The following TRHDE variants were observed in gnomAD, a reference collection of about 807,000 sequenced individuals.
TRHDE encodes thyrotropin-releasing hormone-degrading ectoenzyme.
TRHDE carries 72 observed loss-of-function variants against 125.7 expected under a neutral mutation model. The ratio of observed to expected loss-of-function variants is 0.57; its 90% confidence interval spans 0.47 to 0.70. TRHDE has a LOEUF of 0.70. Among genes scored for constraint, TRHDE ranks in the 30% least tolerant of loss-of-function variants. The pLI is 0.00. For missense variants in TRHDE, 1,110 were observed against 1,327.1 expected, an observed-to-expected ratio of 0.84 and a Z score of 2.54; for synonymous variants, 509 against 509.1, an observed-to-expected ratio of 1.00 and a Z score of 0.00.
chr12:72,379,326 G>A (rs934913836), intron 3 of TRHDE, among the ~76,000 whole-genome samples: 12 of 152,160 alleles, frequency 7.9e-5, no homozygotes, highest in Admixed American at 6.5e-4. Context: ...AGAATTCATA[G>A]GCAAAATTTT....
chr12:72,608,495 C>G (rs1872531115), intron 12 of TRHDE, among the ~76,000 whole-genome samples: 1 of 152,114 alleles, frequency 6.6e-6, no homozygotes, highest in Non-Finnish European at 1.5e-5. Flanking sequence ...GAAACAGCCT[C>G]TGTAGGCCAG....
intron 3 of TRHDE, among the ~76,000 whole-genome samples, chr12:72,404,501 G>C (rs1873183397): frequency 1.3e-5 from 2 of 152,078 alleles, no homozygotes; most frequent in African/African-American, 4.8e-5. Context: ...TGTTATAAAG[G>C]AAAGAGGTTT....
intron 6 of TRHDE, among the ~76,000 whole-genome samples, chr12:72,537,791 C>T (rs1868942222): frequency 6.6e-6 from 1 of 152,016 alleles, no homozygotes; most frequent in South Asian, 2.1e-4. Context: ...TTTTGAGAGC[C>T]TGCTATGTGC....
chr12:72,247,557 A>G (rs1878597898), intron 2 of TRHDE, among the ~76,000 whole-genome samples: 1 of 152,188 alleles, frequency 6.6e-6, no homozygotes, highest in African/African-American at 2.4e-5. Context: ...GTTATTTTAT[A>G]AAAATTCCCT....
At chr12:72,292,230 A>G (rs532201960) in intron 2 of TRHDE, among the ~76,000 whole-genome samples, 6 of 152,292 alleles carry the variant, frequency 3.9e-5, no homozygotes, top group African/African-American at 1.4e-4. Context: ...TGAGGTCTTG[A>G]TAAAGACTCA....
chr12:72,343,680 C>G (rs1403214504), intron 2 of TRHDE, among the ~76,000 whole-genome samples: 2 of 151,958 alleles, frequency 1.3e-5, no homozygotes, highest in African/African-American at 4.8e-5. Context: ...GAGTATTCTT[C>G]TCAATGGATA....
chr12:72,299,021 C>A (rs114540893), intron 2 of TRHDE, among the ~76,000 whole-genome samples: 1,558 of 152,138 alleles, frequency 0.01, 28 homozygotes, highest in African/African-American at 0.036. Context: ...TCTGGGTGAC[C>A]ATGATACAGA....
intron 3 of TRHDE, among the ~76,000 whole-genome samples, chr12:72,414,617 G>C (rs781667142): frequency 6.6e-6 from 1 of 152,064 alleles, no homozygotes; most frequent in Non-Finnish European, 1.5e-5. Context: ...CAGCATCTTG[G>C]CAGTAAGGCT....
At chr12:72,540,483 G>A (rs1456021906) in intron 6 of TRHDE, among the ~76,000 whole-genome samples, 1 of 151,650 alleles carries the variant, frequency 6.6e-6, no homozygotes, top group Non-Finnish European at 1.5e-5. Flanking sequence ...AAGAGACCAA[G>A]TCATCATTAC....
At chr12:72,637,573 C>T (rs1335053315) in intron 15 of TRHDE, among the ~76,000 whole-genome samples, 1 of 151,872 alleles carries the variant, frequency 6.6e-6, no homozygotes, top group Non-Finnish European at 1.5e-5. Flanking sequence ...TGTTGCTTTT[C>T]TAGTTCTTTT....
Position 72,641,288 on chromosome 12 carries a change from G to T in TRHDE, c.2676-11034G>T, listed in dbSNP as rs551658012. On this transcript the variant is annotated intron_variant, in intron 15 of 18. Transcript: ENST00000261180. ...TCAACAGCATTTTTATATATTGAAT[G>T]TGTTTTCTTCTAACAGTAACAGAAT... 4.6e-5 allele frequency among the ~76,000 whole-genome samples: 7 copies of T among 152,182 alleles called. No homozygotes were observed. The South Asian group carries it at 1.2e-3, about 27-fold the overall frequency.
chr12:72,142,164 C>G (rs1437508017), intron 2 of TRHDE, among the ~76,000 whole-genome samples: 1 of 151,822 alleles, frequency 6.6e-6, no homozygotes, highest in African/African-American at 2.4e-5. Context: ...AAAAAGGACA[C>G]TGCATATGTG....
At chr12:72,161,327 G>A (rs1592464480) in intron 2 of TRHDE, among the ~76,000 whole-genome samples, 1 of 152,022 alleles carries the variant, frequency 6.6e-6, no homozygotes, top group African/African-American at 2.4e-5. Context: ...CAGCTACTTC[G>A]GAGGCTGAGG....
chr12:72,176,967 C>G (rs1877002121), intron 2 of TRHDE, among the ~76,000 whole-genome samples: 1 of 151,324 alleles, frequency 6.6e-6, no homozygotes, highest in African/African-American at 2.4e-5. Context: ...TTTTTTTTTC[C>G]CATTGGTAAG....
chr12:72,263,972 C>A (rs535147892), intron 2 of TRHDE: 17 of 152,130 alleles, frequency 1.1e-4, no homozygotes, highest in Non-Finnish European at 2.2e-4. Flanking sequence ...CTTACACATT[C>A]AAAGTGACCA....
rs1878632383 is a variant in TRHDE, at chr12:72,249,151, A to G, written n.280-128844A>G. Among the ~76,000 whole-genome samples the G allele has an allele frequency of 2.6e-5, 4 of 152,200 alleles. No homozygotes were observed. The South Asian group carries it at 8.3e-4, about 31-fold the overall frequency. ...ACGTTGGGGTAGGCAAAATTTTCAT[A>G]GAAGACAAAATGGCTAATAGCAAAA... On this transcript the variant is annotated intron_variant and non_coding_transcript_variant, in intron 2 of 4. Coordinates refer to the TRHDE transcript ENST00000548156.
At chr12:72,337,249 T>C (rs1380623714) in intron 2 of TRHDE, among the ~76,000 whole-genome samples, 2 of 152,156 alleles carry the variant, frequency 1.3e-5, no homozygotes, top group African/African-American at 4.8e-5. Context: ...CTTTTCCTTC[T>C]GCTCCTGTAG....
intron 2 of TRHDE, among the ~76,000 whole-genome samples, chr12:72,131,330 C>T (rs974990849): frequency 2.6e-5 from 4 of 151,956 alleles, no homozygotes; most frequent in Non-Finnish European, 4.4e-5. Context: ...CCTCGGCCTC[C>T]CAAAGTGCTG....
At chr12:72,468,300 G>C (rs573937172) in intron 3 of TRHDE, among the ~76,000 whole-genome samples, 1 of 152,280 alleles carries the variant, frequency 6.6e-6, no homozygotes, top group East Asian at 1.9e-4. Flanking sequence ...TTGTCCATGT[G>C]ATGTATGCAG....
Sources: allele counts gnomAD v4.1 joint callset (sites outside exome capture counted in the v4.1 genomes callset), GRCh38; gene constraint gnomAD v4.1.1; transcripts MANE v1.5; gene names NCBI Gene and HGNC (gene_info 2026-07-23, HGNC 2026-07-21).